The following ATR variants were observed in gnomAD, a reference collection of about 807,000 sequenced individuals.
ATR encodes the protein ATR checkpoint kinase.
ATR carries 142 observed loss-of-function variants against 305.3 expected under a neutral mutation model. The observed-to-expected ratio is 0.47, with a 90% confidence interval of 0.41 to 0.53. The LOEUF (loss-of-function observed/expected upper bound fraction) is 0.53, where lower values mean the gene tolerates loss of function less well. Ranked by LOEUF, ATR falls within the 20% of genes least tolerant of loss-of-function variation. The probability of loss-of-function intolerance (pLI) is 0.00; values close to 1 mark genes in which losing one functional copy is unlikely to be tolerated. For synonymous variants in ATR, 1,050 were observed against 1,068.1 expected, an observed-to-expected ratio of 0.98 and a Z score of 0.33; for missense variants, 2,135 against 3,133.1, an observed-to-expected ratio of 0.68 and a Z score of 7.60.
chr3:142,524,329 C>T (rs1173808771), intron 21 of ATR, 130 bp from the exon 22 acceptor site: 2 of 863,116 alleles, frequency 2.3e-6, no homozygotes, highest in Non-Finnish European at 1.8e-6. Context: ...TCTGTATCTG[C>T]AATTTTTTCA....
At chr3:142,512,493 A>G (rs1294049719) in intron 26 of ATR, 23 bp from the exon 27 acceptor site, 2 of 1,523,172 alleles carry the variant, frequency 1.3e-6, no homozygotes, top group Non-Finnish European at 1.8e-6. Flanking sequence ...TTTATAATTA[A>G]TAATAATATC....
chr3:142,550,121 T>G lies in ATR; in HGVS notation c.2976+11A>C. The G allele has an allele frequency of 6.2e-7, 1 of 1,613,956 alleles. No homozygotes were observed. The highest frequency in any genetic ancestry group is 1.1e-5 in the South Asian group (1 of 91,074). On this transcript the variant is annotated intron_variant, in intron 14 of 46. Coordinates refer to ENST00000350721, the MANE Select transcript of ATR (RefSeq NM_001184.4). ...TTGCAAACCTCAAGTGAACTATATG[T>G]TGCAACTTACAGTAAGAAAACGATT...
chr3:142,502,078 A>T (rs1328092349), intron 30 of ATR, among the ~76,000 whole-genome samples: 1 of 152,146 alleles, frequency 6.6e-6, no homozygotes, highest in African/African-American at 2.4e-5. Flanking sequence ...GTCAAAAAAG[A>T]TGTAGAAGGG....
At chr3:142,535,337 T>G in intron 20 of ATR, 132 bp from the exon 21 acceptor site, 6 of 954,278 alleles carry the variant, frequency 6.3e-6, no homozygotes, top group Non-Finnish European at 9.4e-6. Flanking sequence ...GAAATTTCCA[T>G]TCCTTCCTTT....
At position 142,542,734 on chromosome 3, in the gene ATR, C is replaced by A. The variant is rs757163714; in HGVS notation, c.3381G>T (p.Leu1127Phe). ...TGTTAAAAAAAGCCAAAATGCCCAA[C>A]AATTTGGGTTGTAAATAATCAGCCT... ...ELMADYLQPK[L>F]LGILAFFNMQ... The change falls in exon 17 of 47, where the codon TTG becomes TTT. Residue 1127 changes from leucine (L) to phenylalanine (F), a missense_variant. Leu to Phe is a conservative substitution (Grantham distance 22). Around this residue, in one of 9 missense-constraint regions of ATR, gnomAD observed 530 missense variants for 766.8 expected, o/e 0.69. Coordinates refer to ENST00000350721, the MANE Select transcript of ATR (RefSeq NM_001184.4). The A allele has an allele frequency of 6.2e-7, 1 of 1,612,832 alleles. No homozygotes were observed. Among genetic ancestry groups the A allele is most frequent in the African/African-American group, 1.3e-5 (1 of 74,942 alleles).
At position 142,562,971 on chromosome 3, in the gene ATR, A is replaced by G; in HGVS notation, c.431T>C (p.Val144Ala). 6.2e-7 allele frequency: 1 copy of G among 1,609,634 alleles called. No individual in the cohort carries two copies. Among genetic ancestry groups the G allele is most frequent in the Non-Finnish European group, 8.5e-7 (1 of 1,178,910 alleles). Reference protein sequence around the residue: ...FKSKSPAIFGVLTKELLQLFE... With the variant: ...FKSKSPAIFGALTKELLQLFE... ...AAGTTGTAATAATTCTTTTGTGAGT[A>G]CCCCAAAAATAGCAGGACTCTTGCT... The change falls in exon 4 of 47, where the codon GTA (valine) becomes GCA (alanine). Residue 144 changes from valine (V) to alanine (A), a missense_variant. Val to Ala is a moderately conservative substitution (Grantham distance 64, BLOSUM62 0). Transcript: ENST00000350721.
At chr3:142,544,621 CA>C (rs71153972) in intron 16 of ATR, among the ~76,000 whole-genome samples, 31,118 of 83,492 alleles carry the variant, frequency 0.37, 3,384 homozygotes, top group Middle Eastern at 0.55. Flanking sequence ...AAGAAAGGAG[CA>C]AAAAAAAAAA....
chr3:142,498,528 A>T, intron 32 of ATR, 69 bp downstream of exon 32: 1 of 1,502,542 alleles, frequency 6.7e-7, no homozygotes, highest in Non-Finnish European at 9.1e-7. Flanking sequence ...TATTTACTCA[A>T]AAAAATTTTC....
rs1228437997 is a variant in ATR at position 142,559,246 on chromosome 3, C to T, written c.1732+5G>A. On this transcript the variant is annotated splice_donor_5th_base_variant and intron_variant, in intron 7 of 46. Transcript: ENST00000350721. Reference sequence around the variant, plus strand: ...TATTCTGATCTGTTGCTAATTTGTACTCACCTTGCATATAAATCAAAGCAT... The same window carrying T: ...TATTCTGATCTGTTGCTAATTTGTATTCACCTTGCATATAAATCAAAGCAT... 1 of 1,611,662 alleles carries T rather than the reference C, an allele frequency of 6.2e-7. No homozygotes were observed. Among genetic ancestry groups the T allele is most frequent in the Non-Finnish European group, 8.5e-7 (1 of 1,178,280 alleles).
chr3:142,552,598 A>G (rs1252526388), intron 13 of ATR, among the ~76,000 whole-genome samples: 2 of 142,214 alleles, frequency 1.4e-5, no homozygotes, highest in East Asian at 4.4e-4. Flanking sequence ...TGAACCTGGG[A>G]GGTGAAGGTT....
Position 142,562,287 on chromosome 3 carries a change from A to C in ATR, c.1115T>G (p.Val372Gly). ...CAAAAGAGCTTTACAAATATTTCTC[A>C]CATAGACCTTCCTGACTTGTAAAGC... ...ESALQVRKVY[V>G]RNICKALLDV... The change falls in exon 4 of 47, where the codon GTG becomes GGG. Residue 372 changes from valine to glycine, a missense_variant. Val to Gly is a moderately radical substitution (Grantham distance 109). Transcript: ENST00000350721. 6.2e-7 allele frequency: 1 copy of C among 1,614,112 alleles called. No individual in the cohort carries two copies. Among genetic ancestry groups the C allele is most frequent in the Non-Finnish European group, 8.5e-7 (1 of 1,179,974 alleles).
At chr3:142,450,658 C>G in intron 46 of ATR, 1 of 1,603,540 alleles carries the variant, frequency 6.2e-7, no homozygotes, top group Middle Eastern at 1.7e-4. Context: ...ATTAGATGGT[C>G]AGTATTATGC....
At chr3:142,524,338 C>G in intron 21 of ATR, 139 bp from the exon 22 acceptor site, 1 of 820,992 alleles carries the variant, frequency 1.2e-6, no homozygotes, top group Non-Finnish European at 1.9e-6. Flanking sequence ...GCAATTTTTT[C>G]AGCTAGTTTT....
Position 142,496,281 on chromosome 3 carries a change from TATATATATATATATATATA to T in ATR, c.5898+61_5898+79del, listed in dbSNP as rs2031599948. ...TAAGGAAGTACATAATTCCCGACTA[TATATATATATATATATATA>T]TATATATATATATATATATATATAT... On this transcript the variant is annotated intron_variant, in intron 34 of 46. Transcript: ENST00000350721. 92 of 72,558 alleles carry T rather than the reference TATATATATATATATATATA, an allele frequency of 1.3e-3. 13 individuals are homozygous for T. The highest frequency in any genetic ancestry group is 2.0e-3 in the Non-Finnish European group (75 of 37,738). 4.5% of individuals were successfully genotyped at this position (72,558 alleles called of 1,614,324 possible). A position where few individuals can be genotyped will look rare whatever the true frequency, so the allele number is the denominator to read the frequency against.
intron 38 of ATR, 56 bp downstream of exon 38, chr3:142,469,281 G>A: frequency 1.4e-6 from 2 of 1,428,222 alleles, no homozygotes; most frequent in Non-Finnish European, 2.0e-6. Context: ...ACATAATCAA[G>A]TTCATATAAA....
In ATR at chr3:142,544,452, CAAAAAAAAAAAAAA is replaced by C. The variant is rs57120276; in HGVS notation, c.3358-1709_3358-1696del. ...GGGTGACAGAGCAAAATCCTGCCTCCAAAAAAAAAAAAAAAAAAAAAAAAAAAAGATACCATTCA... is the reference window on the plus strand; with the variant it reads ...GGGTGACAGAGCAAAATCCTGCCTCCAAAAAAAAAAAAAAGATACCATTCA... On this transcript the variant is annotated intron_variant, in intron 16 of 46. Transcript: ENST00000350721. Among the ~76,000 whole-genome samples the C allele has an allele frequency of 6.3e-4, 12 of 18,978 alleles. No individual in the cohort carries two copies. In the East Asian group the frequency reaches 9.2e-3, roughly 15 times the overall value. 12.5% of individuals were successfully genotyped at this position (18,978 alleles called of 152,430 possible).
chr3:142,453,603 C>T (rs1031740685), intron 45 of ATR, among the ~76,000 whole-genome samples: 1 of 152,108 alleles, frequency 6.6e-6, no homozygotes, highest in African/African-American at 2.4e-5. Context: ...TAGACCTAGC[C>T]CAGACCTTTT....
chr3:142,458,916 T>C, intron 44 of ATR, 42 bp downstream of exon 44: 1 of 1,600,500 alleles, frequency 6.2e-7, no homozygotes, highest in Non-Finnish European at 8.6e-7. Flanking sequence ...AAAAGGAAAT[T>C]GAGAGAAAAC....
chr3:142,574,759 T>C (rs2035383773), intron 1 of ATR, among the ~76,000 whole-genome samples: 1 of 152,126 alleles, frequency 6.6e-6, no homozygotes, highest in Admixed American at 6.5e-5. Context: ...AAAGGGACAC[T>C]CAGCCCTGAG....
Sources: gnomAD v4.1 joint callset for allele counts (sites outside exome capture counted in the v4.1 genomes callset) on GRCh38, gnomAD v4.1.1 for gene constraint, gnomAD v4.1.1 regional missense constraint, MANE v1.5 for transcripts, NCBI Gene and HGNC (gene_info 2026-07-23, HGNC 2026-07-21) for gene names.